SEL1L2: variants seen among roughly 807,000 people sequenced by gnomAD.
SEL1L2 encodes the protein protein sel-1 homolog 2.
Under a neutral mutation model 98.8 loss-of-function variants are expected in SEL1L2, and 89 were observed. The observed-to-expected ratio is 0.90, with a 90% CI of 0.76 to 1.07. The LOEUF (loss-of-function observed/expected upper bound fraction) is 1.07, where lower values mean the gene tolerates loss of function less well. SEL1L2 is among the 50% of genes least tolerant of loss of function. The probability of loss-of-function intolerance (pLI) is 0.00; values close to 1 mark genes in which losing one functional copy is unlikely to be tolerated. For missense variants in SEL1L2, 788 were observed against 812.0 expected (o/e 0.97, Z 0.36); for synonymous variants, 262 against 278.5 (o/e 0.94, Z 0.59).
chr20:13,896,508 C>T (rs987876770), intron 5 of SEL1L2, among the ~76,000 whole-genome samples: 1 of 141,162 alleles, frequency 7.1e-6, no homozygotes, highest in Non-Finnish European at 1.5e-5. Context: ...CAAACAACTC[C>T]CCCCCCCCCC....
At chr20:13,899,486 C>T (rs991926646) in intron 5 of SEL1L2, among the ~76,000 whole-genome samples, 13 of 152,048 alleles carry the variant, frequency 8.5e-5, no homozygotes, top group Admixed American at 4.6e-4. Context: ...GCAGATGGTG[C>T]CAGGCACTGT....
chr20:13,929,488 T>TC (rs11474655), intron 3 of SEL1L2, among the ~76,000 whole-genome samples: 16 of 5,604 alleles, frequency 2.9e-3, no homozygotes, highest in South Asian at 0.02. Context: ...TGCCTTTGCC[T>TC]TTTTTTTTTT....
chr20:13,971,610 T>A (rs1293167096), intron 1 of SEL1L2, among the ~76,000 whole-genome samples: 2 of 150,986 alleles, frequency 1.3e-5, no homozygotes, highest in Non-Finnish European at 1.5e-5. Flanking sequence ...TTTTTTTGTA[T>A]TTTTAGTAGA....
chr20:13,994,731 T>C (rs117109566), upstream of SEL1L2, among the ~76,000 whole-genome samples: 27 of 152,328 alleles, frequency 1.8e-4, no homozygotes, highest in Non-Finnish European at 3.4e-4. Context: ...AAGCAATTGG[T>C]AGAATAAAGT....
In SEL1L2 at chr20:13,865,409, G is replaced by C; in HGVS notation, c.1510C>G (p.Leu504Val). The C allele has an allele frequency of 6.2e-7, 1 of 1,614,088 alleles. No homozygotes were observed. Among genetic ancestry groups the C allele is most frequent in the Non-Finnish European group, 8.5e-7 (1 of 1,179,964 alleles). Reference sequence around the variant, plus strand: ...ACTTCATACCCCATTTCTGCAAGCAGTGCATACTGAACAAGAGAAGAATCT... The same window carrying C: ...ACTTCATACCCCATTTCTGCAAGCACTGCATACTGAACAAGAGAAGAATCT... ...DIDSSLVQYA[L>V]LAEMGYEVAQ... The change falls in exon 16 of 20, where the codon CTG (leucine) becomes GTG (valine). Residue 504 changes from leucine (L) to valine (V), a missense_variant. By Grantham distance (32) the Leu-to-Val change is conservative. Coordinates refer to ENST00000284951, the MANE Select transcript of SEL1L2 (RefSeq NM_025229.2).
chr20:13,946,110 G>T (rs2049996187), intron 2 of SEL1L2, among the ~76,000 whole-genome samples: 1 of 152,090 alleles, frequency 6.6e-6, no homozygotes, highest in Non-Finnish European at 1.5e-5. Flanking sequence ...ACATAGTACT[G>T]AAAGTCCTAG....
intron 3 of SEL1L2, among the ~76,000 whole-genome samples, chr20:13,925,070 A>G (rs943156799): frequency 3.3e-5 from 5 of 152,138 alleles, no homozygotes; most frequent in African/African-American, 1.2e-4. Flanking sequence ...ACCCGGGAGA[A>G]GGAGGATGCA....
intron 1 of SEL1L2, among the ~76,000 whole-genome samples, chr20:13,960,722 C>CT (rs2050739939): frequency 6.6e-6 from 1 of 152,170 alleles, no homozygotes; most frequent in Non-Finnish European, 1.5e-5. Context: ...TGTTTTATCA[C>CT]TTCCCCTACA....
chr20:13,927,888 A>G (rs146293240), intron 3 of SEL1L2: 1 of 152,272 alleles, frequency 6.6e-6, no homozygotes, highest in African/African-American at 2.4e-5. Context: ...ACTCCTAACT[A>G]AATAGGTACT....
rs140015347 is a variant in SEL1L2, at chr20:13,850,293, G to T, written c.1845C>A (p.Tyr615Ter). 27 of 1,613,904 alleles carry T rather than the reference G, an allele frequency of 1.7e-5. No individual in the cohort carries two copies. The highest frequency in any genetic ancestry group is 3.3e-4 in the Middle Eastern group (2 of 6,082). ...TKDIHLARRL[Y>*]DMAAQTSPDA... ...CTGGACTCGTTTGAGCAGCCATGTC[G>T]TACAATCTTCTGGCCAAGTGAATGT... is the stretch of plus-strand genomic sequence containing the variant. Residue 615 changes from tyrosine (Y) to a stop codon, truncating the protein, a stop_gained, in exon 19 of 20, where the codon TAC (tyrosine) becomes TAA (stop). Transcript: ENST00000284951. LOFTEE classifies it high-confidence loss of function.
rs543903976 is a variant in SEL1L2 at position 13,887,985 on chromosome 20, G to A, written c.620C>T (p.Thr207Ile). 7.4e-6 allele frequency: 12 copies of A among 1,613,550 alleles called. No individual in the cohort carries two copies. The East Asian group carries it at 2.5e-4, about 33-fold the overall frequency. Residue 207 changes from threonine (T) to isoleucine (I), a missense_variant, in exon 7 of 20, where the codon ACC becomes ATC. Physicochemically the swap from Thr to Ile is moderately conservative, Grantham distance 89. Transcript: ENST00000284951. ...YDQAKALIYY[T>I]FGSAGGNMMS... ...CATGTTTCCTCCAGCACTTCCAAAG[G>A]TGTAATATATCAGTGCCTAAAGTAA...
chr20:13,927,088 G>T (rs1350071626), intron 3 of SEL1L2, among the ~76,000 whole-genome samples: 1 of 152,164 alleles, frequency 6.6e-6, no homozygotes, highest in Non-Finnish European at 1.5e-5. Flanking sequence ...TGAAGTTATG[G>T]TGTTAAAATA....
At chr20:13,899,060 T>A (rs552042951) in intron 5 of SEL1L2, among the ~76,000 whole-genome samples, 5 of 152,308 alleles carry the variant, frequency 3.3e-5, no homozygotes, top group Non-Finnish European at 7.4e-5. Flanking sequence ...ATTTTTACAA[T>A]TTATTTATTT....
upstream of SEL1L2, chr20:13,990,659 C>T (rs193268352): frequency 4.1e-4 from 291 of 711,282 alleles, 4 homozygotes; most frequent in East Asian, 8.0e-3. Flanking sequence ...TTTCCTTACT[C>T]TTGGGCCAAT....
chr20:13,991,762 G>A (rs770115613), upstream of SEL1L2, among the ~76,000 whole-genome samples: 1 of 152,184 alleles, frequency 6.6e-6, no homozygotes, highest in Non-Finnish European at 1.5e-5. Context: ...GGAGCCTAAG[G>A]CAGTTGGATT....
intron 1 of SEL1L2, among the ~76,000 whole-genome samples, chr20:13,988,810 A>G (rs1471923177): frequency 6.6e-6 from 1 of 152,076 alleles, no homozygotes; most frequent in African/African-American, 2.4e-5. Flanking sequence ...GTCAGGAGTT[A>G]AAGACCAGCC....
At chr20:13,931,199 G>A (rs1179900616) in intron 3 of SEL1L2, among the ~76,000 whole-genome samples, 5 of 151,826 alleles carry the variant, frequency 3.3e-5, no homozygotes, top group African/African-American at 4.8e-5. Flanking sequence ...GCCCGCCACC[G>A]TGCCTGGCTA....
chr20:13,882,127 A>G (rs1044679938), intron 10 of SEL1L2, among the ~76,000 whole-genome samples: 2 of 152,092 alleles, frequency 1.3e-5, no homozygotes, highest in African/African-American at 4.8e-5. Context: ...AAAGAAAATA[A>G]AAAGAAAAGA....
intron 10 of SEL1L2, among the ~76,000 whole-genome samples, chr20:13,884,674 A>G (rs1181828687): frequency 6.6e-6 from 1 of 151,310 alleles, no homozygotes; most frequent in African/African-American, 2.4e-5. Flanking sequence ...CGCCCGGCTA[A>G]TTTTTTGTAA....
Sources: gnomAD v4.1 joint callset for allele counts (sites outside exome capture counted in the v4.1 genomes callset) on GRCh38, gnomAD v4.1.1 for gene constraint, MANE v1.5 for transcripts, NCBI Gene and HGNC (gene_info 2026-07-23, HGNC 2026-07-21) for gene names.